The following RANBP9 variants were observed in gnomAD, a reference collection of about 807,000 sequenced individuals.
The protein encoded by RANBP9 is ran-binding protein 9.
Under a neutral mutation model 84.3 loss-of-function variants are expected in RANBP9, and 15 were observed. The observed-to-expected ratio is 0.18, with a 90% CI of 0.12 to 0.27. The LOEUF (loss-of-function observed/expected upper bound fraction) is 0.27. Ranked by LOEUF, RANBP9 falls within the 10% of genes least tolerant of loss-of-function variation. The probability of loss-of-function intolerance (pLI) is 1.00; values close to 1 mark genes in which losing one functional copy is unlikely to be tolerated. For synonymous variants in RANBP9, 392 were observed against 349.6 expected, an observed-to-expected ratio of 1.12 and a Z score of -1.35; for missense variants, 809 against 912.8, an observed-to-expected ratio of 0.89 and a Z score of 1.46.
intron 2 of RANBP9, among the ~76,000 whole-genome samples, chr6:13,670,801 G>GAAAAAAAAAAAAAAAAAAAAAAAAAAA (rs796204005): frequency 1.8e-5 from 1 of 56,760 alleles, no homozygotes; most frequent in Non-Finnish European, 3.9e-5. Flanking sequence ...TTCCATCTTA[G>GAAAAAAAAAAAAAAAAAAAAAAAAAAA]AAAAAAAAAA....
At chr6:13,702,676 A>C (rs1758003969) in intron 1 of RANBP9, among the ~76,000 whole-genome samples, 2 of 152,136 alleles carry the variant, frequency 1.3e-5, no homozygotes, top group African/African-American at 4.8e-5. Flanking sequence ...ATTAGAAGCT[A>C]AACACCAGGT....
At chr6:13,693,982 G>A (rs893986463) in intron 2 of RANBP9, among the ~76,000 whole-genome samples, 4 of 152,148 alleles carry the variant, frequency 2.6e-5, no homozygotes, top group Non-Finnish European at 5.9e-5. Flanking sequence ...GGCAGAGGTT[G>A]CAGTGAGCCA....
intron 4 of RANBP9, 149 bp downstream of exon 4, chr6:13,656,960 T>C (rs1433977687): frequency 1.4e-6 from 1 of 695,088 alleles, no homozygotes; most frequent in Middle Eastern, 3.9e-4. Flanking sequence ...ATTCACCATT[T>C]CCTCAGCTTC....
At position 13,641,280 on chromosome 6, in the gene RANBP9, C is replaced by A. The variant is rs1244542544; in HGVS notation, c.1253G>T (p.Arg418Ile). The change falls in exon 8 of 14, where the codon AGA becomes ATA. Residue 418 changes from arginine (R) to isoleucine (I), a missense_variant. Around this residue, in one of 5 missense-constraint regions of RANBP9, gnomAD observed 216 missense variants for 329.0 expected, o/e 0.66. Coordinates refer to ENST00000011619, the MANE Select transcript of RANBP9 (RefSeq NM_005493.3). ...TGTTGTTTCAATGGCTTCTCCCATT[C>A]TTCCTGCTAATACCAATTTCTGAAT... ...QRIQKLVLAGRMGEAIETTQQ... is the reference protein window; with the variant it reads ...QRIQKLVLAGIMGEAIETTQQ... 1 of 1,602,294 alleles carries A rather than the reference C, an allele frequency of 6.2e-7. No individual in the cohort carries two copies. The highest frequency in any genetic ancestry group is 8.5e-7 in the Non-Finnish European group (1 of 1,174,954).
chr6:13,632,581 G>A (rs896241481), intron 11 of RANBP9, 60 bp from the exon 12 acceptor site: 20 of 1,446,322 alleles, frequency 1.4e-5, no homozygotes, highest in East Asian at 6.9e-5. Flanking sequence ...ATGAGGACAC[G>A]AACATACATT....
At chr6:13,625,511 A>G (rs1764577360) in intron 13 of RANBP9, 142 bp downstream of exon 13, 2 of 480,330 alleles carry the variant, frequency 4.2e-6, no homozygotes, top group Non-Finnish European at 7.4e-6. Flanking sequence ...GGGGGTTTCT[A>G]TATTTTAGGT....
At chr6:13,704,047 C>A (rs1758037690) in intron 1 of RANBP9, among the ~76,000 whole-genome samples, 1 of 152,204 alleles carries the variant, frequency 6.6e-6, no homozygotes, top group South Asian at 2.1e-4. Context: ...CTCTCACTAT[C>A]ATTCCTCATA....
intron 5 of RANBP9, among the ~76,000 whole-genome samples, chr6:13,650,928 C>T (rs1032113112): frequency 1.3e-5 from 2 of 152,098 alleles, no homozygotes; most frequent in African/African-American, 4.8e-5. Context: ...CACACCACTG[C>T]ACTCCAACCT....
chr6:13,625,038 A>G (rs1238060501), intron 13 of RANBP9, among the ~76,000 whole-genome samples: 1 of 152,178 alleles, frequency 6.6e-6, no homozygotes, highest in Non-Finnish European at 1.5e-5. Flanking sequence ...CCTGCCCTCT[A>G]CTGGATCAGT....
At chr6:13,658,579 C>T (rs1322576663) in intron 3 of RANBP9, among the ~76,000 whole-genome samples, 1 of 152,194 alleles carries the variant, frequency 6.6e-6, no homozygotes, top group Admixed American at 6.5e-5. Context: ...CACTGCCCTC[C>T]AACCTGGGTG....
At chr6:13,688,336 G>C (rs1766239981) in intron 2 of RANBP9, among the ~76,000 whole-genome samples, 1 of 152,178 alleles carries the variant, frequency 6.6e-6, no homozygotes, top group South Asian at 2.1e-4. Flanking sequence ...GAAGGACAGA[G>C]AAGCTTATGT....
chr6:13,633,338 A>G (rs1764844232), intron 11 of RANBP9, among the ~76,000 whole-genome samples: 3 of 152,222 alleles, frequency 2.0e-5, no homozygotes, highest in African/African-American at 7.2e-5. Context: ...CCAGCTAAGA[A>G]AATAGTTTTA....
intron 2 of RANBP9, among the ~76,000 whole-genome samples, chr6:13,661,779 GAC>G (rs980784459): frequency 6.6e-6 from 1 of 152,044 alleles, no homozygotes; most frequent in Non-Finnish European, 1.5e-5. Flanking sequence ...TCACACATAA[GAC>G]ACACTGTAGA....
intron 2 of RANBP9, among the ~76,000 whole-genome samples, chr6:13,690,140 G>A (rs775260979): frequency 1.3e-5 from 2 of 152,126 alleles, no homozygotes; most frequent in Non-Finnish European, 2.9e-5. Context: ...TTCCTCAAGG[G>A]CAGGGACCAC....
chr6:13,665,773 C>T (rs973224368), intron 2 of RANBP9, among the ~76,000 whole-genome samples: 7 of 152,158 alleles, frequency 4.6e-5, no homozygotes, highest in Non-Finnish European at 8.8e-5. Context: ...ATATTCTACT[C>T]AGCAACAAAA....
chr6:13,698,705 C>T (rs1200033628), intron 1 of RANBP9, among the ~76,000 whole-genome samples: 1 of 151,798 alleles, frequency 6.6e-6, no homozygotes, highest in Non-Finnish European at 1.5e-5. Context: ...AGTTTATTAA[C>T]TCATTTAATA....
At chr6:13,687,158 T>C (rs1766210414) in intron 2 of RANBP9, among the ~76,000 whole-genome samples, 1 of 152,166 alleles carries the variant, frequency 6.6e-6, no homozygotes, top group East Asian at 1.9e-4. Context: ...CATACTTGGG[T>C]GATCCTATCA....
At chr6:13,660,065 AT>A (rs1274693700) in intron 2 of RANBP9, among the ~76,000 whole-genome samples, 1 of 152,240 alleles carries the variant, frequency 6.6e-6, no homozygotes, top group Non-Finnish European at 1.5e-5. Context: ...ACATTTTAAT[AT>A]TTCTTCTAGT....
intron 1 of RANBP9, among the ~76,000 whole-genome samples, chr6:13,704,072 C>G (rs987265864): frequency 6.6e-6 from 1 of 152,206 alleles, no homozygotes; most frequent in Non-Finnish European, 1.5e-5. Flanking sequence ...CTCAGTATTA[C>G]TTTTAAATAT....
Sources: gnomAD v4.1 joint callset for allele counts (sites outside exome capture counted in the v4.1 genomes callset) on GRCh38, gnomAD v4.1.1 for gene constraint, gnomAD v4.1.1 regional missense constraint, MANE v1.5 for transcripts, NCBI Gene and HGNC (gene_info 2026-07-23, HGNC 2026-07-21) for gene names.